The following SRP54 variants were observed in gnomAD, a reference collection of about 807,000 sequenced individuals.
SRP54 encodes the protein signal recognition particle subunit SRP54.
Under a neutral mutation model 64.8 loss-of-function variants are expected in SRP54, and 10 were observed. The ratio of observed to expected loss-of-function variants is 0.15; its 90% CI spans 0.10 to 0.26. SRP54 has a LOEUF of 0.26. Among genes scored for constraint, SRP54 ranks in the 10% least tolerant of loss-of-function variants. The pLI is 1.00. For missense variants in SRP54, 325 were observed against 613.7 expected, an observed-to-expected ratio of 0.53 and a Z score of 4.97; for synonymous variants, 193 against 185.6, an observed-to-expected ratio of 1.04 and a Z score of -0.32.
At chr14:35,022,821 C>A in intron 13 of SRP54, 89 bp from the exon 14 acceptor site, 1 of 1,043,652 alleles carries the variant, frequency 9.6e-7, no homozygotes, top group Admixed American at 2.9e-5. Flanking sequence ...ATCTGCTAAG[C>A]TCTTTGAAGT....
intron 4 of SRP54, among the ~76,000 whole-genome samples, chr14:35,004,090 A>T (rs1169873573): frequency 1.3e-5 from 2 of 152,016 alleles, no homozygotes; most frequent in Non-Finnish European, 2.9e-5. Context: ...ACTAAATAAA[A>T]AAAAAAAAAA....
chr14:35,002,229 C>T (rs970176666), intron 4 of SRP54, among the ~76,000 whole-genome samples: 8 of 151,884 alleles, frequency 5.3e-5, no homozygotes, highest in African/African-American at 1.9e-4. Flanking sequence ...TGGTGCACAT[C>T]TGTAGTTCCA....
chr14:35,017,064 A>G (rs1205982404), intron 11 of SRP54, among the ~76,000 whole-genome samples: 2 of 152,120 alleles, frequency 1.3e-5, no homozygotes, highest in African/African-American at 4.8e-5. Context: ...CATGGTGGCC[A>G]GGCTGATCTC....
intron 1 of SRP54, among the ~76,000 whole-genome samples, chr14:34,993,684 A>C (rs571251818): frequency 2.3e-3 from 226 of 97,828 alleles, no homozygotes; most frequent in African/African-American, 6.1e-3. Flanking sequence ...TTTGTCTTAA[A>C]ATTAATTAAT....
At chr14:35,000,055 C>T (rs1463893044) in intron 3 of SRP54, among the ~76,000 whole-genome samples, 1 of 151,902 alleles carries the variant, frequency 6.6e-6, no homozygotes, top group African/African-American at 2.4e-5. Context: ...CTTTTGTTCT[C>T]CTTTTGGTTT....
At chr14:35,001,896 G>A (rs1306849781) in intron 4 of SRP54, among the ~76,000 whole-genome samples, 1 of 151,972 alleles carries the variant, frequency 6.6e-6, no homozygotes, top group East Asian at 1.9e-4. Flanking sequence ...AAAAAGAAAG[G>A]AGCTGTTAAA....
rs1317187416 is a variant in SRP54, at chr14:34,983,017, C to G, written c.-232C>G. 6.6e-6 allele frequency: 1 copy of G among 152,388 alleles called. No individual in the cohort carries two copies. The highest frequency in any genetic ancestry group is 1.5e-5 in the Non-Finnish European group (1 of 68,182). The allele number at this position is 152,388 out of a possible 1,614,324, so 9.4% of individuals were successfully genotyped here. ...ATTGGGCGGAAGGTTCGCTGGCACT[C>G]CGTTGGTCTTCCAGCTGGTGGGAGT... On this transcript the variant is annotated 5_prime_UTR_variant, in exon 1 of 16. Transcript: ENST00000216774.
At chr14:35,011,426 A>AAT (rs1203132583) in intron 7 of SRP54, 83 bp from the exon 8 acceptor site, 3 of 1,161,484 alleles carry the variant, frequency 2.6e-6, no homozygotes, top group Non-Finnish European at 3.4e-6. Flanking sequence ...TTTTCAAAAT[A>AAT]GATTATAGGT....
rs1385986595 is a variant in SRP54 at position 34,987,242 on chromosome 14, A to ATAT, written c.-34+4027_-34+4028insTAT. On this transcript the variant is annotated intron_variant, in intron 1 of 15. Coordinates refer to ENST00000216774, the MANE Select transcript of SRP54 (RefSeq NM_003136.4). Reference sequence around the variant, plus strand: ...AGACACTACATCTGAAAAAAAAAAAAAAAAATATATATATATATGTGTGTG... The same window carrying ATAT: ...AGACACTACATCTGAAAAAAAAAAAATATAAAAATATATATATATATGTGTGTG... Among the ~76,000 whole-genome samples, 382 of 66,134 alleles carry ATAT rather than the reference A, an allele frequency of 5.8e-3. 4 individuals carry two copies. Among genetic ancestry groups the ATAT allele is most frequent in the Middle Eastern group, 9.6e-3 (1 of 104 alleles). 43.4% of individuals were successfully genotyped at this position (66,134 alleles called of 152,430 possible).
In SRP54 at chr14:35,026,231, T is replaced by A. The variant is rs367560796; in HGVS notation, c.1328-1857T>A. ...GTTGTTTTTTGTTTGTTTGTTTTGT[T>A]TTGTTTTGAGACAGGGTCTCGCTGT... is the stretch of plus-strand genomic sequence containing the variant. On this transcript the variant is annotated intron_variant, in intron 14 of 15. Coordinates refer to ENST00000216774, the MANE Select transcript of SRP54 (RefSeq NM_003136.4). Among the ~76,000 whole-genome samples, 18 of 148,678 alleles carry A rather than the reference T, an allele frequency of 1.2e-4. No individual in the cohort carries two copies. The East Asian group carries it at 3.3e-3, about 27-fold the overall frequency.
rs774392999 is a variant in SRP54, at chr14:35,014,764, C to T, written c.907C>T (p.Leu303=). The change falls in exon 11 of 16, where the codon CTG becomes TTG. Residue 303 remains leucine, a synonymous_variant. Coordinates refer to ENST00000216774, the MANE Select transcript of SRP54 (RefSeq NM_003136.4). ...TATAGGTATGGGCGACATTGAAGGA[C>T]TGATAGATAAAGTCAACGAGTTGAA... ...KLLGMGDIEG[L]IDKVNELKLD... 17 of 1,613,724 alleles carry T rather than the reference C, an allele frequency of 1.1e-5. No homozygotes were observed. In the South Asian group the frequency reaches 1.6e-4, roughly 16 times the overall value.
intron 4 of SRP54, among the ~76,000 whole-genome samples, chr14:35,002,009 A>G (rs1273464125): frequency 2.6e-5 from 4 of 151,542 alleles, no homozygotes; most frequent in South Asian, 2.1e-4. Flanking sequence ...GAGACCAACC[A>G]GGGCAACATA....
chr14:34,983,097 G>A lies in SRP54; in HGVS notation c.-152G>A, dbSNP rs768434096. On this transcript the variant is annotated 5_prime_UTR_variant, in exon 1 of 16. Coordinates refer to ENST00000216774, the MANE Select transcript of SRP54 (RefSeq NM_003136.4). ...TACTTTATCTAGTTCGGGAAGTTGG[G>A]TTGTGGGGTCATACCTGTCTGTCTG... The A allele has an allele frequency of 1.3e-5, 2 of 152,306 alleles. No individual in the cohort carries two copies. The highest frequency in any genetic ancestry group is 2.9e-5 in the Non-Finnish European group (2 of 68,098). 9.4% of individuals were successfully genotyped at this position (152,306 alleles called of 1,614,324 possible). A position where few individuals can be genotyped will look rare whatever the true frequency, so the allele number is the denominator to read the frequency against.
chr14:35,021,581 G>A (rs1044406699), intron 13 of SRP54, among the ~76,000 whole-genome samples: 20 of 151,380 alleles, frequency 1.3e-4, no homozygotes, highest in Admixed American at 5.3e-4. Context: ...TGCAGTGAGC[G>A]AAGCTTGCAC....
chr14:34,996,707 A>T lies in SRP54; in HGVS notation c.-3A>T. On this transcript the variant is annotated 5_prime_UTR_variant, in exon 2 of 16. Transcript: ENST00000216774. ...TTCGTAAGTACATCTTAAAGCTGTC[A>T]AGATGGTTCTAGCAGACCTTGGAAG... 6.2e-7 allele frequency: 1 copy of T among 1,611,558 alleles called. No individual in the cohort carries two copies. Among genetic ancestry groups the T allele is most frequent in the Non-Finnish European group, 8.5e-7 (1 of 1,177,772 alleles).
intron 13 of SRP54, among the ~76,000 whole-genome samples, chr14:35,022,062 T>C (rs1197968056): frequency 1.3e-5 from 2 of 152,130 alleles, no homozygotes; most frequent in Admixed American, 1.3e-4. Flanking sequence ...ATTTTTCTGT[T>C]GATTATGGAT....
chr14:35,000,910 CCCAATCA>C lies in SRP54; in HGVS notation c.171-21_171-15del. 7.0e-7 allele frequency: 1 copy of C among 1,428,968 alleles called. No individual in the cohort carries two copies. The highest frequency in any genetic ancestry group is 9.5e-7 in the Non-Finnish European group (1 of 1,050,190). The allele number at this position is 1,428,968 out of a possible 1,614,324, so 88.5% of individuals were successfully genotyped here. A position where few individuals can be genotyped will look rare whatever the true frequency, so the allele number is the denominator to read the frequency against. On this transcript the variant is annotated intron_variant, in intron 3 of 15. Transcript: ENST00000216774. ...TCTTAACTGATTTTCTCCTCCCCAC[CCCAATCA>C]CCAACCACCATCATAAAGGTCTGCT...
chr14:35,006,928 C>T (rs1322532607), intron 4 of SRP54, among the ~76,000 whole-genome samples: 2 of 152,146 alleles, frequency 1.3e-5, no homozygotes, highest in South Asian at 2.1e-4. Context: ...CAGTGGCTCA[C>T]GCCTGAAATC....
rs59058538 is a variant in SRP54, at chr14:34,994,932, CTTTTTTTTTTTT to C, written c.-33-1729_-33-1718del. Among the ~76,000 whole-genome samples the C allele has an allele frequency of 4.0e-3, 336 of 84,480 alleles. 7 individuals carry two copies. The highest frequency in any genetic ancestry group is 1.2e-3 in the Non-Finnish European group (54 of 44,152). The allele number at this position is 84,480 out of a possible 152,430, so 55.4% of individuals were successfully genotyped here. A position where few individuals can be genotyped will look rare whatever the true frequency, so the allele number is the denominator to read the frequency against. The stretch of plus-strand genomic sequence containing the variant: ...AGGCACATGCCGCCATGCCTGGCTA[CTTTTTTTTTTTT>C]TTTTTTTTTTTTTTTAAGAGTTGAA... On this transcript the variant is annotated intron_variant, in intron 1 of 15. Coordinates refer to ENST00000216774, the MANE Select transcript of SRP54 (RefSeq NM_003136.4).
Sources: allele counts gnomAD v4.1 joint callset (sites outside exome capture counted in the v4.1 genomes callset), GRCh38; gene constraint gnomAD v4.1.1; transcripts MANE v1.5; gene names NCBI Gene and HGNC (gene_info 2026-07-23, HGNC 2026-07-21).